Variants in ESR1 observed in about 807,000 individuals in gnomAD.
The protein encoded by ESR1 is estrogen receptor 1.
Under a neutral mutation model 52.7 loss-of-function variants are expected in ESR1, and 12 were observed. That is an observed-to-expected ratio of 0.23 (90% confidence interval 0.15 to 0.37). The LOEUF is 0.37. Among genes scored for constraint, ESR1 ranks in the 10% least tolerant of loss-of-function variants. ESR1 has a pLI of 1.00. For missense variants in ESR1, 584 were observed against 779.7 expected (o/e 0.75, Z 2.99); for synonymous variants, 305 against 316.8 (o/e 0.96, Z 0.39).
chr6:151,965,575 C>T (rs1055461916), intron 4 of ESR1, among the ~76,000 whole-genome samples: 6 of 152,002 alleles, frequency 3.9e-5, no homozygotes, highest in Non-Finnish European at 7.4e-5. Context: ...ACTTTCCTAC[C>T]CTCTACCTAC....
At chr6:151,966,055 T>C (rs2038236238) in intron 4 of ESR1, among the ~76,000 whole-genome samples, 1 of 152,198 alleles carries the variant, frequency 6.6e-6, no homozygotes, top group South Asian at 2.1e-4. Context: ...TTTCTTTTGA[T>C]TGCAATATAT....
chr6:151,829,317 TG>T (rs1280688930), intron 1 of ESR1, among the ~76,000 whole-genome samples: 1 of 152,252 alleles, frequency 6.6e-6, no homozygotes, highest in Non-Finnish European at 1.5e-5. Flanking sequence ...ACAAAGAATA[TG>T]TCAGATATAC....
intron 6 of ESR1, among the ~76,000 whole-genome samples, chr6:152,122,905 GTAAT>G (rs2051839643): frequency 6.6e-6 from 1 of 152,156 alleles, no homozygotes; most frequent in African/African-American, 2.4e-5. Flanking sequence ...CTAAACGTAA[GTAAT>G]TAGGTTCAAA....
At chr6:151,836,131 AAGAT>A (rs1489104604) in intron 1 of ESR1, among the ~76,000 whole-genome samples, 5 of 152,216 alleles carry the variant, frequency 3.3e-5, no homozygotes, top group Non-Finnish European at 5.9e-5. Flanking sequence ...AATTCAAAGA[AAGAT>A]AGGCAGAGTG....
intron 5 of ESR1, among the ~76,000 whole-genome samples, chr6:152,046,425 A>G (rs1012864059): frequency 6.6e-6 from 1 of 152,234 alleles, no homozygotes; most frequent in Non-Finnish European, 1.5e-5. Flanking sequence ...TCAAAAGAAA[A>G]AAATTAAAGT....
intron 2 of ESR1, among the ~76,000 whole-genome samples, chr6:151,749,961 A>C (rs1783778597): frequency 6.6e-6 from 1 of 152,240 alleles, no homozygotes; most frequent in South Asian, 2.1e-4. Context: ...AAATGCTATG[A>C]AATACAATTT....
upstream of ESR1, among the ~76,000 whole-genome samples, chr6:151,802,941 G>A (rs1490729890): frequency 6.7e-6 from 1 of 148,656 alleles, no homozygotes; most frequent in African/African-American, 2.5e-5. Flanking sequence ...GCAGTGAGCC[G>A]AGATCACACC....
chr6:151,683,864 A>ATTTTTTTT (rs66983259), intron 1 of ESR1, among the ~76,000 whole-genome samples: 1 of 118,474 alleles, frequency 8.4e-6, no homozygotes, highest in Non-Finnish European at 1.7e-5. Context: ...ACGTCTGGCT[A>ATTTTTTTT]TTTTTTTTTT....
chr6:152,039,462 C>T (rs991764705), intron 5 of ESR1, among the ~76,000 whole-genome samples: 4 of 151,580 alleles, frequency 2.6e-5, no homozygotes, highest in Non-Finnish European at 5.9e-5. Context: ...AGGAGGAGCC[C>T]GAGATTGCAA....
chr6:152,078,425 G>A (rs1441322643), intron 6 of ESR1, among the ~76,000 whole-genome samples: 1 of 152,158 alleles, frequency 6.6e-6, no homozygotes, highest in Non-Finnish European at 1.5e-5. Flanking sequence ...TTTGCAGTGG[G>A]TTAGATACTC....
chr6:152,048,555 C>T (rs936427788), intron 5 of ESR1, among the ~76,000 whole-genome samples: 2 of 152,052 alleles, frequency 1.3e-5, no homozygotes, highest in Admixed American at 1.3e-4. Flanking sequence ...ATGTCTGCTT[C>T]CTGACTAAAC....
At position 151,880,659 on chromosome 6, in the gene ESR1, T is replaced by C; in HGVS notation, c.648T>C (p.His216=). Residue 216 remains histidine, a synonymous_variant, in exon 3 of 8, where the codon CAT becomes CAC. Transcript: ENST00000206249. The part of the protein sequence containing the change: ...KAFFKRSIQG[H]NDYMCPATNQ... Reference sequence around the variant, plus strand: ...CTGTCCTCTTGCTTTTAATAGGACATAACGACTATATGTGTCCAGCCACCA... The same window carrying C: ...CTGTCCTCTTGCTTTTAATAGGACACAACGACTATATGTGTCCAGCCACCA... 1 of 1,580,988 alleles carries C rather than the reference T, an allele frequency of 6.3e-7. No homozygotes were observed. Among genetic ancestry groups the C allele is most frequent in the Non-Finnish European group, 8.7e-7 (1 of 1,149,690 alleles).
intron 4 of ESR1, among the ~76,000 whole-genome samples, chr6:151,953,957 A>C (rs1263324617): frequency 1.3e-5 from 2 of 152,084 alleles, no homozygotes; most frequent in East Asian, 3.8e-4. Context: ...TACAGCCTAA[A>C]CTGACTGTTG....
In ESR1 at chr6:151,844,728, A is replaced by T. The variant is rs567414143; in HGVS notation, c.643+1941A>T. On this transcript the variant is annotated intron_variant, in intron 2 of 7. Transcript: ENST00000206249. ...CTTTATTTATGGAAGGGAATAGGGG[A>T]TTTTTAAATCTAAAGTTTTGATTAT... 2.6e-5 allele frequency among the ~76,000 whole-genome samples: 4 copies of T among 152,264 alleles called. 1 individual carries two copies. In the South Asian group the frequency reaches 8.3e-4, roughly 32 times the overall value.
At chr6:151,906,708 A>G (rs1797510113) in intron 3 of ESR1, among the ~76,000 whole-genome samples, 1 of 148,378 alleles carries the variant, frequency 6.7e-6, no homozygotes. Flanking sequence ...GTCATCTAGT[A>G]TGCAGCTTGA....
At chr6:151,741,070 T>A (rs1783057875) in intron 2 of ESR1, among the ~76,000 whole-genome samples, 1 of 152,148 alleles carries the variant, frequency 6.6e-6, no homozygotes, top group Non-Finnish European at 1.5e-5. Context: ...CGCTTCTTAC[T>A]GGGGTGTGAG....
chr6:152,091,842 G>A (rs551969734), intron 6 of ESR1, among the ~76,000 whole-genome samples: 1 of 152,294 alleles, frequency 6.6e-6, no homozygotes, highest in South Asian at 2.1e-4. Context: ...CCTTGAACAA[G>A]AAAGGGATTA....
intron 2 of ESR1, among the ~76,000 whole-genome samples, chr6:151,863,226 C>G (rs1789217062): frequency 6.6e-6 from 1 of 152,128 alleles, no homozygotes; most frequent in South Asian, 2.1e-4. Flanking sequence ...CTATAAATTA[C>G]CTTGGGCAGT....
At chr6:151,979,422 C>A (rs1354440460) in intron 4 of ESR1, among the ~76,000 whole-genome samples, 2 of 151,962 alleles carry the variant, frequency 1.3e-5, no homozygotes, top group Non-Finnish European at 2.9e-5. Flanking sequence ...AACATTTCCT[C>A]CTTTATTATT....
Sources: gnomAD v4.1 joint callset for allele counts (sites outside exome capture counted in the v4.1 genomes callset) on GRCh38, gnomAD v4.1.1 for gene constraint, MANE v1.5 for transcripts, NCBI Gene and HGNC (gene_info 2026-07-23, HGNC 2026-07-21) for gene names.